KCMF1: variants seen among roughly 807,000 people sequenced by gnomAD.
KCMF1 encodes potassium channel modulatory factor 1.
Under a neutral mutation model 41.1 loss-of-function variants are expected in KCMF1, and 3 were observed. The observed-to-expected ratio is 0.07, with a 90% CI of 0.03 to 0.19. KCMF1 has a LOEUF of 0.19. Ranked by LOEUF, KCMF1 falls within the 10% of genes least tolerant of loss-of-function variation. The probability of loss-of-function intolerance (pLI) is 1.00; values close to 1 mark genes in which losing one functional copy is unlikely to be tolerated. For synonymous variants in KCMF1, 142 were observed against 164.5 expected, an observed-to-expected ratio of 0.86 and a Z score of 1.04; for missense variants, 286 against 488.9, an observed-to-expected ratio of 0.58 and a Z score of 3.91.
Position 85,025,114 on chromosome 2 carries a change from A to G in KCMF1, c.17-2775A>G, listed in dbSNP as rs572297158. 2.6e-5 allele frequency among the ~76,000 whole-genome samples: 4 copies of G among 152,304 alleles called. No individual in the cohort carries two copies. In the South Asian group the frequency reaches 8.3e-4, roughly 32 times the overall value. ...CTTGCATCAACATTTGAGTCAGCTTACCATGCCCCACAAAAAAATTCTTTT... is the reference window on the plus strand; with the variant it reads ...CTTGCATCAACATTTGAGTCAGCTTGCCATGCCCCACAAAAAAATTCTTTT... On this transcript the variant is annotated intron_variant, in intron 1 of 6. Coordinates refer to ENST00000409785, the MANE Select transcript of KCMF1 (RefSeq NM_020122.5).
chr2:85,008,369 T>TGATATATATTA (rs1175773309), intron 1 of KCMF1, among the ~76,000 whole-genome samples: 1 of 9,344 alleles, frequency 1.1e-4, no homozygotes, highest in African/African-American at 1.6e-4. Context: ...ATATTATATA[T>TGATATATATTA]CATATGATAT....
chr2:84,989,584 A>T (rs144458098), intron 1 of KCMF1, among the ~76,000 whole-genome samples: 2 of 152,308 alleles, frequency 1.3e-5, no homozygotes, highest in Non-Finnish European at 2.9e-5. Flanking sequence ...ACAAGAAAAG[A>T]TAATTGCTGT....
intron 1 of KCMF1, among the ~76,000 whole-genome samples, chr2:85,021,844 C>T (rs1192555682): frequency 6.6e-6 from 1 of 152,020 alleles, no homozygotes; most frequent in Non-Finnish European, 1.5e-5. Context: ...GAGAAGAAAT[C>T]TTGCTCTTGT....
At chr2:85,026,459 TTTATTATTA>T (rs35093562) in intron 1 of KCMF1, among the ~76,000 whole-genome samples, 2,535 of 139,334 alleles carry the variant, frequency 0.018, 90 homozygotes, top group African/African-American at 0.066. Flanking sequence ...CTTTCTTTCC[TTTATTATTA>T]TTATTATTAT....
intron 1 of KCMF1, among the ~76,000 whole-genome samples, chr2:84,996,200 T>C (rs140725949): frequency 0.01 from 1,543 of 152,316 alleles, 9 homozygotes; most frequent in Middle Eastern, 0.02. Flanking sequence ...TTGACAGTTA[T>C]GTGAAAGGTG....
At chr2:84,981,534 T>C (rs944241323) in intron 1 of KCMF1, among the ~76,000 whole-genome samples, 2 of 152,126 alleles carry the variant, frequency 1.3e-5, no homozygotes, top group Non-Finnish European at 2.9e-5. Context: ...TTGCTGGTAC[T>C]CAGTGCCAGT....
chr2:84,983,485 C>G (rs1474704169), intron 1 of KCMF1, among the ~76,000 whole-genome samples: 1 of 151,908 alleles, frequency 6.6e-6, no homozygotes, highest in East Asian at 1.9e-4. Flanking sequence ...TGCCACCATA[C>G]CTGGCTAACT....
intron 1 of KCMF1, among the ~76,000 whole-genome samples, chr2:84,982,389 CTTTTTTTTTTTT>C (rs34687477): frequency 2.8e-3 from 133 of 47,268 alleles, no homozygotes; most frequent in African/African-American, 8.5e-3. Context: ...TCCTTATTTT[CTTTTTTTTTTTT>C]TTTTTTTTTT....
At chr2:84,984,618 C>G (rs1034752389) in intron 1 of KCMF1, among the ~76,000 whole-genome samples, 1 of 151,884 alleles carries the variant, frequency 6.6e-6, no homozygotes, top group Non-Finnish European at 1.5e-5. Context: ...GTGAGGAGTT[C>G]GAGACCAGCC....
At chr2:85,035,225 T>C (rs1675380154) in intron 3 of KCMF1, 70 bp downstream of exon 3, 10 of 1,319,778 alleles carry the variant, frequency 7.6e-6, no homozygotes, top group Admixed American at 2.2e-5. Context: ...TTAATAAAGC[T>C]AGGTCACTGT....
intron 1 of KCMF1, among the ~76,000 whole-genome samples, chr2:85,017,461 T>C (rs1354976032): frequency 6.6e-6 from 1 of 152,182 alleles, no homozygotes; most frequent in Non-Finnish European, 1.5e-5. Context: ...GCCTATATGA[T>C]ACACACCGTT....
At position 84,992,462 on chromosome 2, in the gene KCMF1, G is replaced by A. The variant is rs541676339; in HGVS notation, c.16+20995G>A. Among the ~76,000 whole-genome samples, 384 of 152,122 alleles carry A rather than the reference G, an allele frequency of 2.5e-3. 4 individuals are homozygous for A. The highest frequency in any genetic ancestry group is 9.0e-3 in the African/African-American group (373 of 41,486). On this transcript the variant is annotated intron_variant, in intron 1 of 6. Transcript: ENST00000409785. ...GTAGAGATGGGGTTTCGCCATGTTG[G>A]CCAGGCTGGTCTCAAACTCCTGACC...
chr2:84,971,785 T>A (rs1673401742), intron 1 of KCMF1, among the ~76,000 whole-genome samples: 1 of 150,620 alleles, frequency 6.6e-6, no homozygotes, highest in South Asian at 2.1e-4. Context: ...TCGGGACTGA[T>A]ACCGGACGCC....
At chr2:85,039,225 C>T (rs1574039213) in intron 3 of KCMF1, among the ~76,000 whole-genome samples, 1 of 152,044 alleles carries the variant, frequency 6.6e-6, no homozygotes, top group Middle Eastern at 3.4e-3. Flanking sequence ...TTAACTTTAC[C>T]AACTTACCTG....
At chr2:85,013,368 G>A (rs1317836685) in intron 1 of KCMF1, among the ~76,000 whole-genome samples, 1 of 152,096 alleles carries the variant, frequency 6.6e-6, no homozygotes, top group Non-Finnish European at 1.5e-5. Context: ...ACAAATACAT[G>A]TGCAGACATT....
chr2:84,982,812 G>A (rs911058083), intron 1 of KCMF1, among the ~76,000 whole-genome samples: 2 of 152,140 alleles, frequency 1.3e-5, no homozygotes, highest in Non-Finnish European at 2.9e-5. Context: ...GACACTGTTA[G>A]GGATTTGTAT....
chr2:85,003,269 T>G (rs1192392249), intron 1 of KCMF1, among the ~76,000 whole-genome samples: 1 of 152,016 alleles, frequency 6.6e-6, no homozygotes, highest in African/African-American at 2.4e-5. Flanking sequence ...GTCAGGAGAT[T>G]GAGACCATTC....
intron 1 of KCMF1, among the ~76,000 whole-genome samples, chr2:85,006,378 G>A (rs578152001): frequency 6.9e-4 from 94 of 135,356 alleles, no homozygotes; most frequent in African/African-American, 2.6e-3. Flanking sequence ...TCGGCTCACT[G>A]CAAGCTCTGC....
At chr2:85,002,771 G>A (rs1295943383) in intron 1 of KCMF1, among the ~76,000 whole-genome samples, 1 of 151,940 alleles carries the variant, frequency 6.6e-6, no homozygotes, top group African/African-American at 2.4e-5. Flanking sequence ...CCTCAGTGTT[G>A]CCTGTTCCCA....
Sources: gnomAD v4.1 joint callset for allele counts (sites outside exome capture counted in the v4.1 genomes callset) on GRCh38, gnomAD v4.1.1 for gene constraint, MANE v1.5 for transcripts, NCBI Gene and HGNC (gene_info 2026-07-23, HGNC 2026-07-21) for gene names.